Variants in CDH11 observed in about 807,000 individuals in gnomAD.
CDH11 encodes cadherin-11.
A neutral mutation model predicts 67.8 loss-of-function variants in CDH11; 11 were observed. The ratio of observed to expected loss-of-function variants is 0.16; its 90% CI spans 0.10 to 0.27. The LOEUF (loss-of-function observed/expected upper bound fraction) is 0.27. Among genes scored for constraint, CDH11 ranks in the 10% least tolerant of loss-of-function variants. CDH11 has a pLI of 1.00. For synonymous variants in CDH11, 419 were observed against 400.0 expected, an observed-to-expected ratio of 1.05 and a Z score of -0.57; for missense variants, 847 against 1,031.2, an observed-to-expected ratio of 0.82 and a Z score of 2.45.
chr16:64,987,958 C>A, intron 7 of CDH11, 199 bp downstream of exon 7: 1 of 447,822 alleles, frequency 2.2e-6, no homozygotes, highest in African/African-American at 2.0e-5. Flanking sequence ...ATCACCAGCC[C>A]CTTTGTCAGC....
chr16:64,948,770 C>A, intron 12 of CDH11: 1 of 1,599,508 alleles, frequency 6.3e-7, no homozygotes, highest in Non-Finnish European at 8.5e-7. Flanking sequence ...GAGGGGGGTT[C>A]CATTAAGCTT....
rs759807372 is a variant in CDH11 at position 64,950,921 on chromosome 16, C to T, written c.1740G>A (p.Pro580=). Residue 580 remains proline (P), a synonymous_variant, in exon 12 of 13, where the codon CCG becomes CCA. Coordinates refer to ENST00000268603, the MANE Select transcript of CDH11 (RefSeq NM_001797.4). ...LPIVISDGGI[P]PMSSTNTLTI... The stretch of plus-strand genomic sequence containing the variant: ...TGAGGGTGTTGGTGCTACTCATGGG[C>T]GGGATGCCGCCATCGCTGATCACTA... 2.5e-6 allele frequency: 4 copies of T among 1,614,084 alleles called. No individual in the cohort carries two copies. The highest frequency in any genetic ancestry group is 2.7e-5 in the African/African-American group (2 of 74,936).
intron 2 of CDH11, among the ~76,000 whole-genome samples, chr16:65,033,412 C>A (rs2142631021): frequency 6.6e-6 from 1 of 152,250 alleles, no homozygotes; most frequent in South Asian, 2.1e-4. Flanking sequence ...TTCATTTTCC[C>A]CCTTAGATGA....
chr16:65,046,373 T>A (rs544912187), intron 2 of CDH11, among the ~76,000 whole-genome samples: 1 of 152,126 alleles, frequency 6.6e-6, no homozygotes, highest in East Asian at 1.9e-4. Flanking sequence ...GCAGAGAAAA[T>A]CCTTTCCCAA....
At chr16:65,119,216 C>T (rs1293693420) in intron 1 of CDH11, 1 of 152,086 alleles carries the variant, frequency 6.6e-6, no homozygotes, top group Non-Finnish European at 1.5e-5. Flanking sequence ...ATTAAAAGAG[C>T]ATGAAATTGA....
chr16:65,115,081 A>G (rs996750799), intron 1 of CDH11, among the ~76,000 whole-genome samples: 2 of 152,228 alleles, frequency 1.3e-5, no homozygotes, highest in African/African-American at 4.8e-5. Flanking sequence ...TTTAAACGAA[A>G]GCAAACCTGT....
rs371443152 is a variant in CDH11, at chr16:64,992,985, A to G, written c.573T>C (p.Tyr191=). ...VTASDADDPT[Y]GNSAKLVYSI... ...TGTACACTAACTTGGCGCTATTTCC[A>G]TAAGTGGGGTCATCTGCATCTGAAG... is the stretch of plus-strand genomic sequence containing the variant. The change falls in exon 5 of 13, where the codon TAT becomes TAC. Residue 191 remains tyrosine (Y), a synonymous_variant. Coordinates refer to ENST00000268603, the MANE Select transcript of CDH11 (RefSeq NM_001797.4). 22 of 1,611,752 alleles carry G rather than the reference A, an allele frequency of 1.4e-5. No individual in the cohort carries two copies. Among genetic ancestry groups the G allele is most frequent in the African/African-American group, 1.1e-4 (8 of 74,866 alleles).
At chr16:65,063,844 A>G (rs994910264) in intron 1 of CDH11, among the ~76,000 whole-genome samples, 13 of 152,184 alleles carry the variant, frequency 8.5e-5, no homozygotes, top group African/African-American at 3.1e-4. Context: ...ATTGTTTCCT[A>G]CTTTGAAATG....
chr16:64,952,704 A>G (rs2071395548), intron 11 of CDH11, among the ~76,000 whole-genome samples: 1 of 152,026 alleles, frequency 6.6e-6, no homozygotes, highest in Admixed American at 6.6e-5. Flanking sequence ...AACTTCTGGT[A>G]TGGTCTGCCT....
intron 2 of CDH11, among the ~76,000 whole-genome samples, chr16:65,039,792 A>G (rs2073829030): frequency 6.6e-6 from 1 of 152,186 alleles, no homozygotes; most frequent in African/African-American, 2.4e-5. Flanking sequence ...AATGGGCGAA[A>G]ATTTTTGCAG....
Position 65,119,527 on chromosome 16 carries a change from T to G in CDH11, c.-298+2353A>C, listed in dbSNP as rs8063240. Among the ~76,000 whole-genome samples, 616 of 152,252 alleles carry G rather than the reference T, an allele frequency of 4.0e-3. 6 individuals carry two copies. The highest frequency in any genetic ancestry group is 0.014 in the African/African-American group (587 of 41,530). Reference sequence around the variant, plus strand: ...TATCAAGATGGTCCACTGCTTCAGTTAGAACTATTTTAAAAGCTTATTTTC... The same window carrying G: ...TATCAAGATGGTCCACTGCTTCAGTGAGAACTATTTTAAAAGCTTATTTTC... On this transcript the variant is annotated intron_variant, in intron 1 of 12. Coordinates refer to ENST00000268603, the MANE Select transcript of CDH11 (RefSeq NM_001797.4).
intron 9 of CDH11, 109 bp downstream of exon 9, chr16:64,972,795 T>G (rs1567499781): frequency 6.1e-6 from 7 of 1,144,776 alleles, no homozygotes; most frequent in Non-Finnish European, 8.8e-6. Flanking sequence ...AAAAATCTGT[T>G]TAAGACCAAA....
chr16:65,027,231 T>G (rs950178639), intron 2 of CDH11, among the ~76,000 whole-genome samples: 3 of 152,194 alleles, frequency 2.0e-5, no homozygotes, highest in Non-Finnish European at 2.9e-5. Context: ...GACACTAACC[T>G]TGTTTTTTAT....
intron 1 of CDH11, among the ~76,000 whole-genome samples, chr16:65,099,924 G>A (rs1413666370): frequency 6.6e-6 from 1 of 152,188 alleles, no homozygotes; most frequent in African/African-American, 2.4e-5. Context: ...GAAGGTCAGA[G>A]TGTTCTGCAC....
chr16:64,954,873 G>A (rs1020095447), intron 11 of CDH11, among the ~76,000 whole-genome samples: 2 of 151,748 alleles, frequency 1.3e-5, no homozygotes, highest in African/African-American at 4.8e-5. Context: ...GGAGAACCAG[G>A]TGGGCAGATG....
chr16:65,110,225 C>T (rs1247958781), intron 1 of CDH11, among the ~76,000 whole-genome samples: 2 of 152,160 alleles, frequency 1.3e-5, no homozygotes, highest in African/African-American at 4.8e-5. Context: ...CTATCTGACT[C>T]TCAACATTCT....
At chr16:65,021,636 T>TA (rs71376754) in intron 2 of CDH11, among the ~76,000 whole-genome samples, 39,485 of 140,952 alleles carry the variant, frequency 0.28, 5,788 homozygotes, top group Middle Eastern at 0.36. Flanking sequence ...TAGAGCTCTT[T>TA]AAAAAAAAAA....
At chr16:64,960,126 C>T (rs2071633094) in intron 11 of CDH11, among the ~76,000 whole-genome samples, 1 of 152,092 alleles carries the variant, frequency 6.6e-6, no homozygotes, top group South Asian at 2.1e-4. Context: ...TCCCCCTAAC[C>T]CTAGGTCTCC....
chr16:65,122,945 G>T (rs1470454104), upstream of CDH11, among the ~76,000 whole-genome samples: 1 of 152,218 alleles, frequency 6.6e-6, no homozygotes, highest in Non-Finnish European at 1.5e-5. Context: ...CCAGGGCCCG[G>T]TGGAGTGTGC....
Sources: allele counts gnomAD v4.1 joint callset (sites outside exome capture counted in the v4.1 genomes callset), GRCh38; gene constraint gnomAD v4.1.1; transcripts MANE v1.5; gene names NCBI Gene and HGNC (gene_info 2026-07-23, HGNC 2026-07-21).